PCDHB1: variants seen among roughly 807,000 people sequenced by gnomAD.
The protein encoded by PCDHB1 is protocadherin beta 1, also known as protocadherin beta-1.
PCDHB1 carries 44 observed loss-of-function variants against 43.5 expected under a neutral mutation model. That is an observed-to-expected ratio of 1.01 (90% CI 0.79 to 1.30). The LOEUF (loss-of-function observed/expected upper bound fraction) is 1.30. Among genes scored for constraint, PCDHB1 ranks in the 50% most tolerant of loss-of-function variants. PCDHB1 has a pLI of 0.00. For missense variants in PCDHB1, 919 were observed against 1,008.9 expected (o/e 0.91, Z 1.21); for synonymous variants, 392 against 400.8 (o/e 0.98, Z 0.26).
At position 141,054,935 on chromosome 5, in the gene PCDHB1, A is replaced by T. The variant is rs1401924901; in HGVS notation, c.*1008A>T. 1.3e-5 allele frequency: 2 copies of T among 152,108 alleles called. No individual in the cohort carries two copies. Among genetic ancestry groups the T allele is most frequent in the Non-Finnish European group, 2.9e-5 (2 of 68,060 alleles). 9.4% of individuals were successfully genotyped at this position (152,108 alleles called of 1,614,324 possible). On this transcript the variant is annotated 3_prime_UTR_variant, in exon 1 of 1. Transcript: ENST00000306549. ...GGTCATGAACTTCTGACCTCAGGTGATCCACCAGCCTCGGAAACCCAAAGC... is the reference window on the plus strand; with the variant it reads ...GGTCATGAACTTCTGACCTCAGGTGTTCCACCAGCCTCGGAAACCCAAAGC...
chr5:141,054,441 T>C lies in PCDHB1; in HGVS notation c.*514T>C, dbSNP rs545355832. On this transcript the variant is annotated 3_prime_UTR_variant, in exon 1 of 1. Coordinates refer to ENST00000306549, the MANE Select transcript of PCDHB1 (RefSeq NM_013340.4). ...GACAAGCAGAGATATAGTTTATTAT[T>C]CAGGAATCTCTAAATTCTTGTCCCT... The C allele has an allele frequency of 6.5e-6, 1 of 153,268 alleles. No homozygotes were observed. The highest frequency in any genetic ancestry group is 2.4e-5 in the African/African-American group (1 of 41,566). The allele number at this position is 153,268 out of a possible 1,614,324, so 9.5% of individuals were successfully genotyped here. A position where few individuals can be genotyped will look rare whatever the true frequency, so the allele number is the denominator to read the frequency against.
chr5:141,051,443 AT>A lies in PCDHB1; in HGVS notation c.-26del. On this transcript the variant is annotated 5_prime_UTR_variant, in exon 1 of 1. The change creates a new upstream start codon in the 5' untranslated region. Coordinates refer to ENST00000306549, the MANE Select transcript of PCDHB1 (RefSeq NM_013340.4). ...AGTATATCCGCAACAGTTGGCTCTG[AT>A]TGCAGAGAGCGCGCTTGTGAGAACT... 6.2e-7 allele frequency: 1 copy of A among 1,609,966 alleles called. No individual in the cohort carries two copies. The highest frequency in any genetic ancestry group is 8.5e-7 in the Non-Finnish European group (1 of 1,176,626).
rs1554267478 is a variant in PCDHB1 at position 141,053,528 on chromosome 5, A to T, written c.2058A>T (p.Pro686=). ...CCAAGCATTCTAGAAAGGTAAATCC[A>T]TCCACTAAATATTTGGTCATTTCTC... ...DPTKHSRKVN[P]STKYLVISLV... Residue 686 remains proline, a synonymous_variant, in exon 1 of 1, where the codon CCA becomes CCT. Coordinates refer to ENST00000306549, the MANE Select transcript of PCDHB1 (RefSeq NM_013340.4). 1.2e-6 allele frequency: 2 copies of T among 1,614,070 alleles called. No homozygotes were observed. The highest frequency in any genetic ancestry group is 8.5e-7 in the Non-Finnish European group (1 of 1,180,032).
chr5:141,051,859 C>T lies in PCDHB1; in HGVS notation c.389C>T (p.Ala130Val), dbSNP rs782187580. ...AGGGTATTTGATATCAATGACAATG[C>T]CCCAGTTTTCCTAAACAAGGAGCCG... The part of the protein sequence containing the change: ...EVRVFDINDN[A>V]PVFLNKEPLL... The change falls in exon 1 of 1, where the codon GCC becomes GTC. Residue 130 changes from alanine (A) to valine (V), a missense_variant. Transcript: ENST00000306549. 8 of 1,614,162 alleles carry T rather than the reference C, an allele frequency of 5.0e-6. No homozygotes were observed. Among genetic ancestry groups the T allele is most frequent in the Non-Finnish European group, 6.8e-6 (8 of 1,180,008 alleles).
In PCDHB1 at chr5:141,053,177, C is replaced by T. The variant is rs1554267410; in HGVS notation, c.1707C>T (p.Gly569=). The T allele has an allele frequency of 6.2e-7, 1 of 1,614,084 alleles. No homozygotes were observed. Among genetic ancestry groups the T allele is most frequent in the Admixed American group, 1.7e-5 (1 of 60,000 alleles). ...RPMILYPLQN[G]TLPCNDLVPR... is the part of the protein sequence containing the mutation. ...TGATCTTATACCCACTGCAGAACGG[C>T]ACCTTGCCCTGCAATGACCTGGTGC... The change falls in exon 1 of 1, where the codon GGC becomes GGT. Residue 569 remains glycine, a synonymous_variant. Coordinates refer to ENST00000306549, the MANE Select transcript of PCDHB1 (RefSeq NM_013340.4).
chr5:141,052,441 G>A lies in PCDHB1; in HGVS notation c.971G>A (p.Gly324Asp), dbSNP rs781948719. 6.2e-7 allele frequency: 1 copy of A among 1,614,218 alleles called. No homozygotes were observed. Among genetic ancestry groups the A allele is most frequent in the East Asian group, 2.2e-5 (1 of 44,886 alleles). Residue 324 changes from glycine to aspartate, a missense_variant, in exon 1 of 1, where the codon GGT (glycine) becomes GAT (aspartate). Transcript: ENST00000306549. ...TYDIDIQATDGGGLSAHSKVL... is the reference protein window; with the variant it reads ...TYDIDIQATDDGGLSAHSKVL... Reference sequence around the variant, plus strand: ...GACATTGACATTCAAGCTACAGATGGTGGAGGCCTCTCTGCCCACAGCAAA... The same window carrying A: ...GACATTGACATTCAAGCTACAGATGATGGAGGCCTCTCTGCCCACAGCAAA...
rs1554267320 is a variant in PCDHB1, at chr5:141,052,813, A to G, written c.1343A>G (p.Asn448Ser). 6.2e-7 allele frequency: 1 copy of G among 1,614,042 alleles called. No individual in the cohort carries two copies. ...GTGCTAATATCCGACGTTAATGACA[A>G]TCCTCCAATATTTCGGGAAGATTCC... ...IEVLISDVND[N>S]PPIFREDSYI... The change falls in exon 1 of 1, where the codon AAT becomes AGT. Residue 448 changes from asparagine to serine, a missense_variant. Physicochemically the swap from Asn to Ser is conservative, Grantham distance 46 (BLOSUM62 1). Transcript: ENST00000306549.
At position 141,056,791 on chromosome 5, in the gene PCDHB1, G is replaced by A. The variant is rs1174283209; in HGVS notation, c.*2864G>A. 1 of 152,148 alleles carries A rather than the reference G, an allele frequency of 6.6e-6. No individual in the cohort carries two copies. The highest frequency in any genetic ancestry group is 1.9e-4 in the East Asian group (1 of 5,186). 9.4% of individuals were successfully genotyped at this position (152,148 alleles called of 1,614,324 possible). A position where few individuals can be genotyped will look rare whatever the true frequency, so the allele number is the denominator to read the frequency against. ...AGCTAAATTTTGTGTTTTTAGTAGA[G>A]ACGGGGCTTCGCCATGTTGGCATTT... On this transcript the variant is annotated 3_prime_UTR_variant, in exon 1 of 1. Transcript: ENST00000306549.
Position 141,055,452 on chromosome 5 carries a change from A to C in PCDHB1, c.*1525A>C, listed in dbSNP as rs1220162871. On this transcript the variant is annotated 3_prime_UTR_variant, in exon 1 of 1. Transcript: ENST00000306549. The stretch of plus-strand genomic sequence containing the variant: ...AACATAAAAATAAATACATAAATAC[A>C]TAAATACATAAGGCCTGCTGTAGTT... 3.9e-5 allele frequency: 6 copies of C among 152,192 alleles called. No homozygotes were observed. The highest frequency in any genetic ancestry group is 1.4e-4 in the African/African-American group (6 of 41,452). 9.4% of individuals were successfully genotyped at this position (152,192 alleles called of 1,614,324 possible).
rs1031520472 is a variant in PCDHB1, at chr5:141,051,995, T to G, written c.525T>G (p.Asn175Lys). The G allele has an allele frequency of 6.2e-7, 1 of 1,614,048 alleles. No homozygotes were observed. The highest frequency in any genetic ancestry group is 8.5e-7 in the Non-Finnish European group (1 of 1,180,048). Reference protein sequence around the residue: ...NGLQNYTLSANGYFHLHTRFC... With the variant: ...NGLQNYTLSAKGYFHLHTRFC... ...TCCAGAACTACACCCTGAGTGCCAA[T>G]GGGTATTTCCACCTGCACACCCGCT... The change falls in exon 1 of 1, where the codon AAT becomes AAG. Residue 175 changes from asparagine (N) to lysine (K), a missense_variant. By Grantham distance (94) the Asn-to-Lys change is moderately conservative. Coordinates refer to ENST00000306549, the MANE Select transcript of PCDHB1 (RefSeq NM_013340.4).
rs1179200404 is a variant in PCDHB1, at chr5:141,052,516, T to C, written c.1046T>C (p.Val349Ala). ...AATGACAATCCTCCCGAAGTGATGG[T>C]CTCCTCTGTGTCCAGCCCACTCCCT... ...DVNDNPPEVM[V>A]SSVSSPLPED... Residue 349 changes from valine (V) to alanine (A), a missense_variant, in exon 1 of 1, where the codon GTC becomes GCC. Coordinates refer to ENST00000306549, the MANE Select transcript of PCDHB1 (RefSeq NM_013340.4). 1 of 1,613,996 alleles carries C rather than the reference T, an allele frequency of 6.2e-7. No individual in the cohort carries two copies. The highest frequency in any genetic ancestry group is 1.3e-5 in the African/African-American group (1 of 74,900).
rs2154005719 is a variant in PCDHB1, at chr5:141,056,226, T to A, written c.*2299T>A. 6.6e-6 allele frequency: 1 copy of A among 152,324 alleles called. No homozygotes were observed. The highest frequency in any genetic ancestry group is 6.5e-5 in the Admixed American group (1 of 15,298). 9.4% of individuals were successfully genotyped at this position (152,324 alleles called of 1,614,324 possible). ...AAATATACCAAATCATGTTTATTGA[T>A]ACAAACTTCATTCTTGGACTTAATG... On this transcript the variant is annotated 3_prime_UTR_variant, in exon 1 of 1. Coordinates refer to ENST00000306549, the MANE Select transcript of PCDHB1 (RefSeq NM_013340.4).
In PCDHB1 at chr5:141,052,554, C is replaced by T. The variant is rs571857544; in HGVS notation, c.1084C>T (p.Pro362Ser). The T allele has an allele frequency of 4.3e-5, 70 of 1,614,186 alleles. No individual in the cohort carries two copies. Among genetic ancestry groups the T allele is most frequent in the Non-Finnish European group, 5.5e-5 (65 of 1,180,038 alleles). Residue 362 changes from proline (P) to serine (S), a missense_variant, in exon 1 of 1, where the codon CCA (proline) becomes TCA (serine). Physicochemically the swap from Pro to Ser is moderately conservative, Grantham distance 74 (BLOSUM62 -1). Coordinates refer to ENST00000306549, the MANE Select transcript of PCDHB1 (RefSeq NM_013340.4). Reference protein sequence around the residue: ...VSSPLPEDSPPQTVVALFTIR... With the variant: ...VSSPLPEDSPSQTVVALFTIR... ...CAGCCCACTCCCTGAAGACTCACCA[C>T]CACAGACAGTAGTAGCCCTTTTCAC...
Position 141,051,655 on chromosome 5 carries a change from G to C in PCDHB1, c.185G>C (p.Arg62Pro). Residue 62 changes from arginine (R) to proline (P), a missense_variant, in exon 1 of 1, where the codon CGC becomes CCC. By Grantham distance (103) the Arg-to-Pro change is moderately radical. Coordinates refer to ENST00000306549, the MANE Select transcript of PCDHB1 (RefSeq NM_013340.4). ...CTGGAGGTAGGGAAGCTGGCTGCGC[G>C]CGGGGCGCGGCTGGTTTCCGAGGGC... ...LGLEVGKLAA[R>P]GARLVSEGNK... 3 of 1,614,254 alleles carry C rather than the reference G, an allele frequency of 1.9e-6. No individual in the cohort carries two copies. The highest frequency in any genetic ancestry group is 2.5e-6 in the Non-Finnish European group (3 of 1,180,044).
In PCDHB1 at chr5:141,052,746, G is replaced by C. The variant is rs1455723080; in HGVS notation, c.1276G>C (p.Asp426His). The C allele has an allele frequency of 1.2e-6, 2 of 1,614,140 alleles. No individual in the cohort carries two copies. Among genetic ancestry groups the C allele is most frequent in the East Asian group, 4.5e-5 (2 of 44,884 alleles). ...SGYNITIVAM[D>H]TGPPSLSAET... ...CTATAATATCACCATTGTTGCCATG[G>C]ATACTGGACCACCTAGCTTGTCTGC... The change falls in exon 1 of 1, where the codon GAT becomes CAT. Residue 426 changes from aspartate (D) to histidine (H), a missense_variant. Asp to His is a moderately conservative substitution (Grantham distance 81, BLOSUM62 -1). Transcript: ENST00000306549.
chr5:141,053,733 T>C lies in PCDHB1; in HGVS notation c.2263T>C (p.Tyr755His), dbSNP rs782411503. 6 of 1,614,210 alleles carry C rather than the reference T, an allele frequency of 3.7e-6. No homozygotes were observed. Among genetic ancestry groups the C allele is most frequent in the Non-Finnish European group, 5.1e-6 (6 of 1,180,012 alleles). Residue 755 changes from tyrosine (Y) to histidine (H), a missense_variant, in exon 1 of 1, where the codon TAT (tyrosine) becomes CAT (histidine). Tyr to His is a moderately conservative substitution (Grantham distance 83, BLOSUM62 2). Transcript: ENST00000306549. ...TGGATCCTTATCTCGGCCTTGTCCA[T>C]ATGAAATGTGTTCAGCCACTGGCAC... ...GNGSLSRPCP[Y>H]EMCSATGTGN...
In PCDHB1 at chr5:141,053,381, G is replaced by T; in HGVS notation, c.1911G>T (p.Met637Ile). The change falls in exon 1 of 1, where the codon ATG (methionine) becomes ATT (isoleucine). Residue 637 changes from methionine (M) to isoleucine (I), a missense_variant. Transcript: ENST00000306549. ...GGCAGATATCTGAGAGAGACCCCATGATGCAGAAATTGATCATTCTTGTTC... is the reference window on the plus strand; with the variant it reads ...GGCAGATATCTGAGAGAGACCCCATTATGCAGAAATTGATCATTCTTGTTC... ...TLRQISERDP[M>I]MQKLIILVQD... 1 of 1,614,184 alleles carries T rather than the reference G, an allele frequency of 6.2e-7. No homozygotes were observed. The highest frequency in any genetic ancestry group is 8.5e-7 in the Non-Finnish European group (1 of 1,180,024).
At position 141,054,583 on chromosome 5, in the gene PCDHB1, A is replaced by C. The variant is rs1751082340; in HGVS notation, c.*656A>C. ...ATCATGGTGGGAGGAAGGGTGGAGAAAGAAAAGGATTTCACTTATTTGCAA... is the reference window on the plus strand; with the variant it reads ...ATCATGGTGGGAGGAAGGGTGGAGACAGAAAAGGATTTCACTTATTTGCAA... On this transcript the variant is annotated 3_prime_UTR_variant, in exon 1 of 1. Transcript: ENST00000306549. 6.6e-6 allele frequency: 1 copy of C among 152,204 alleles called. No homozygotes were observed. Among genetic ancestry groups the C allele is most frequent in the African/African-American group, 2.4e-5 (1 of 41,454 alleles). 9.4% of individuals were successfully genotyped at this position (152,204 alleles called of 1,614,324 possible).
chr5:141,053,626 A>T lies in PCDHB1; in HGVS notation c.2156A>T (p.Lys719Ile), dbSNP rs2233595. ...ATTATACATGTCTACCAAAAGATTA[A>T]ATATAGAGAAAAGTTCACAATTCAA... is the stretch of plus-strand genomic sequence containing the variant. ...IFIIHVYQKI[K>I]YREKFTIQEH... Residue 719 changes from lysine to isoleucine, a missense_variant, in exon 1 of 1, where the codon AAA becomes ATA. Coordinates refer to ENST00000306549, the MANE Select transcript of PCDHB1 (RefSeq NM_013340.4). The T allele has an allele frequency of 9.2e-3, 14,901 of 1,613,998 alleles. 97 individuals are homozygous for T. Among genetic ancestry groups the T allele is most frequent in the Non-Finnish European group, 0.011 (12,857 of 1,179,840 alleles).
Sources: gnomAD v4.1 joint callset for allele counts on GRCh38, gnomAD v4.1.1 for gene constraint, MANE v1.5 for transcripts, NCBI Gene and HGNC (gene_info 2026-07-23, HGNC 2026-07-21) for gene names.